TSPOAP1: variants seen among roughly 807,000 people sequenced by gnomAD.
TSPOAP1 encodes peripheral-type benzodiazepine receptor-associated protein 1.
In TSPOAP1, 87 loss-of-function variants were observed where a neutral mutation model predicts 197.0. The ratio of observed to expected loss-of-function variants is 0.44; its 90% CI spans 0.37 to 0.53. TSPOAP1 has a LOEUF of 0.53. Ranked by LOEUF, TSPOAP1 falls within the 20% of genes least tolerant of loss-of-function variation. The pLI is 0.00. For missense variants in TSPOAP1, 2,174 were observed against 2,411.3 expected (o/e 0.90, Z 2.06); for synonymous variants, 913 against 998.9 (o/e 0.91, Z 1.62).
At chr17:58,319,824 C>T (rs1489500557) in intron 12 of TSPOAP1, among the ~76,000 whole-genome samples, 2 of 152,204 alleles carry the variant, frequency 1.3e-5, no homozygotes, top group Non-Finnish European at 2.9e-5. Flanking sequence ...GGGGCTCTCT[C>T]CGGCCACTAT....
intron 24 of TSPOAP1, 189 bp downstream of exon 24, chr17:58,307,421 CA>C (rs1598057413): frequency 5.6e-6 from 4 of 712,502 alleles, no homozygotes; most frequent in South Asian, 2.0e-5. Context: ...AACTGAGGCC[CA>C]GGGGGCCTAG....
At chr17:58,315,878 C>T (rs1374451919) in intron 16 of TSPOAP1, 145 bp downstream of exon 16, 8 of 736,650 alleles carry the variant, frequency 1.1e-5, no homozygotes, top group African/African-American at 5.3e-5. Context: ...GGGCTGAGCA[C>T]GCTGGGCAGA....
Position 58,309,440 on chromosome 17 carries a change from A to AG in TSPOAP1, c.3892-61dup. 6.5e-7 allele frequency: 1 copy of AG among 1,536,978 alleles called. No individual in the cohort carries two copies. Among genetic ancestry groups the AG allele is most frequent in the Non-Finnish European group, 8.7e-7 (1 of 1,145,718 alleles). ...CAGGGAAGAGAGATGCGTGGGGAAG[A>AG]GGAGAGCGAGCTGCGATCTTTGCCC... On this transcript the variant is annotated intron_variant, in intron 21 of 31. Transcript: ENST00000343736. This position sits in a 1 kb window ranked among gnomAD's most constrained non-coding sequence, Gnocchi z 5.0.
In TSPOAP1 at chr17:58,307,667, G is replaced by T. The variant is rs1372627258; in HGVS notation, c.4927C>A (p.Pro1643Thr). The T allele has an allele frequency of 6.2e-7, 1 of 1,613,998 alleles. No homozygotes were observed. Among genetic ancestry groups the T allele is most frequent in the Non-Finnish European group, 8.5e-7 (1 of 1,180,038 alleles). ...LFDYDPVSMS[P>T]NPDAGEEELP... ...TCTTCTTCTCCAGCATCAGGATTGG[G>T]CGACATTGACACGGGGTCATAGTCA... The change falls in exon 24 of 32, where the codon CCC becomes ACC. Residue 1643 changes from proline to threonine, a missense_variant. Pro to Thr is a conservative substitution (Grantham distance 38, BLOSUM62 -1). Transcript: ENST00000343736.
At position 58,324,868 on chromosome 17, in the gene TSPOAP1, G is replaced by A. The variant is rs1365963319; in HGVS notation, c.885C>T (p.Pro295=). 3 of 1,530,190 alleles carry A rather than the reference G, an allele frequency of 2.0e-6. No homozygotes were observed. The highest frequency in any genetic ancestry group is 2.6e-6 in the Non-Finnish European group (3 of 1,143,520). The allele number at this position is 1,530,190 out of a possible 1,614,324, so 94.8% of individuals were successfully genotyped here. A position where few individuals can be genotyped will look rare whatever the true frequency, so the allele number is the denominator to read the frequency against. Residue 295 remains proline (P), a synonymous_variant, in exon 5 of 32, where the codon CCC becomes CCT. Transcript: ENST00000343736. The surrounding 1 kb of genome is among the most constrained non-coding windows in gnomAD (Gnocchi z 5.8). ...CTCTGGCCTGGAGAGCAGGGCCCGGGGGCCAGGACGGCGGGAGCGGGAGCG... is the reference window on the plus strand; with the variant it reads ...CTCTGGCCTGGAGAGCAGGGCCCGGAGGCCAGGACGGCGGGAGCGGGAGCG... The part of the protein sequence containing the change: ...RETLPLPPSW[P]PGPALQARAG...
rs368307904 is a variant in TSPOAP1, at chr17:58,310,563, G to A, written c.3648C>T (p.Thr1216=). ...CTGGGTCTCCTCCTTGGCACATCTCGGTATTTGGCGCCTGCTGGGCCCGTG... is the reference window on the plus strand; with the variant it reads ...CTGGGTCTCCTCCTTGGCACATCTCAGTATTTGGCGCCTGCTGGGCCCGTG... ...QGARAQQAPN[T]EMCQGGDPGS... is the part of the protein sequence containing the mutation. Residue 1216 remains threonine, a synonymous_variant, in exon 20 of 32, where the codon ACC becomes ACT. Coordinates refer to ENST00000343736, the MANE Select transcript of TSPOAP1 (RefSeq NM_004758.4). 1.1e-5 allele frequency: 18 copies of A among 1,613,362 alleles called. No individual in the cohort carries two copies. The highest frequency in any genetic ancestry group is 2.7e-5 in the African/African-American group (2 of 74,926).
rs921035756 is a variant in TSPOAP1, at chr17:58,324,012, G to A, written c.943-467C>T. ...GCCTAGAGCAGCGCAAGTCCAGCCA[G>A]ACCCTTCTCCTGGCTTCCCCCAAGC... On this transcript the variant is annotated intron_variant, in intron 5 of 31. Coordinates refer to ENST00000343736, the MANE Select transcript of TSPOAP1 (RefSeq NM_004758.4). The surrounding 1 kb of genome is among the most constrained non-coding windows in gnomAD (Gnocchi z 5.8). Among the ~76,000 whole-genome samples the A allele has an allele frequency of 2.4e-4, 36 of 152,172 alleles. No individual in the cohort carries two copies. Among genetic ancestry groups the A allele is most frequent in the African/African-American group, 8.4e-4 (35 of 41,442 alleles).
At position 58,324,892 on chromosome 17, in the gene TSPOAP1, C is replaced by G. The variant is rs551103820; in HGVS notation, c.861G>C (p.Thr287=). The stretch of plus-strand genomic sequence containing the variant: ...GGGGCCAGGACGGCGGGAGCGGGAG[C>G]GTCTCCCGCTGGTTGCGCAGCGCGA... ...RQIALRNQRE[T]LPLPPSWPPG... is the part of the protein sequence containing the mutation. The change falls in exon 5 of 32, where the codon ACG becomes ACC. Residue 287 remains threonine (T), a synonymous_variant. Coordinates refer to ENST00000343736, the MANE Select transcript of TSPOAP1 (RefSeq NM_004758.4). The surrounding 1 kb of genome is among the most constrained non-coding windows in gnomAD (Gnocchi z 5.8). The G allele has an allele frequency of 3.3e-6, 5 of 1,532,916 alleles. No individual in the cohort carries two copies. In the South Asian group the frequency reaches 6.0e-5, roughly 18 times the overall value. The allele number at this position is 1,532,916 out of a possible 1,614,324, so 95.0% of individuals were successfully genotyped here.
At chr17:58,317,566 G>A (rs988644887) in intron 14 of TSPOAP1, among the ~76,000 whole-genome samples, 2 of 152,190 alleles carry the variant, frequency 1.3e-5, no homozygotes, top group Non-Finnish European at 2.9e-5. Context: ...TCTATCCCAC[G>A]AGGGGGCAAT....
intron 26 of TSPOAP1, 119 bp downstream of exon 26, chr17:58,306,223 G>T: frequency 9.2e-7 from 1 of 1,092,808 alleles, no homozygotes; most frequent in Non-Finnish European, 1.4e-6. Flanking sequence ...CAGCCAAGCA[G>T]CGCCACCCAC....
At chr17:58,311,537 C>A (rs768525145) in intron 18 of TSPOAP1, 34 bp downstream of exon 18, 2 of 1,526,168 alleles carry the variant, frequency 1.3e-6, no homozygotes, top group African/African-American at 1.4e-5. Context: ...AGGGACCCAC[C>A]CCCACTCCCA....
intron 16 of TSPOAP1, among the ~76,000 whole-genome samples, chr17:58,314,953 C>T (rs575066359): frequency 6.6e-6 from 1 of 152,338 alleles, no homozygotes; most frequent in South Asian, 2.1e-4. Context: ...TTACATCTAT[C>T]CCAATTTATC....
rs745824785 is a variant in TSPOAP1 at position 58,312,410 on chromosome 17, G to A, written c.2411C>T (p.Ala804Val). The A allele has an allele frequency of 1.3e-5, 21 of 1,612,798 alleles. No individual in the cohort carries two copies. In the South Asian group the frequency reaches 2.2e-4, roughly 17 times the overall value. The stretch of plus-strand genomic sequence containing the variant: ...CTCCCAGGCCAGCACCACGCTGTGG[G>A]CCAGCTGCTTGAGGACCACCAGACG... ...PRRLVVLKQL[A>V]HSVVLAWEPP... Residue 804 changes from alanine to valine, a missense_variant, in exon 17 of 32, where the codon GCC (alanine) becomes GTC (valine). Ala to Val is a moderately conservative substitution (Grantham distance 64, BLOSUM62 0). Transcript: ENST00000343736.
rs1223281691 is a variant in TSPOAP1, at chr17:58,323,050, AGAG to A, written c.1105-14_1105-12del. 24 of 1,601,716 alleles carry A rather than the reference AGAG, an allele frequency of 1.5e-5. No individual in the cohort carries two copies. The highest frequency in any genetic ancestry group is 2.0e-5 in the Non-Finnish European group (24 of 1,174,166). On this transcript the variant is annotated splice_polypyrimidine_tract_variant and intron_variant, in intron 7 of 31. Transcript: ENST00000343736. ...TCTCAGCTGCAGTTCCTGAGCGGGC[AGAG>A]GAGCTCTCAGGAGGGAGCCCAGCAC...
chr17:58,326,161 C>G lies in TSPOAP1; in HGVS notation c.570+132G>C. ...AGCCTCTGCCCTTCCTGCACCTTAG[C>G]CCCTAGATTCTTGCTTTCCTAGGTG... On this transcript the variant is annotated intron_variant, in intron 3 of 31. Coordinates refer to ENST00000343736, the MANE Select transcript of TSPOAP1 (RefSeq NM_004758.4). The surrounding 1 kb of genome is among the most constrained non-coding windows in gnomAD (Gnocchi z 4.7). 1.4e-6 allele frequency: 2 copies of G among 1,424,550 alleles called. No individual in the cohort carries two copies. Among genetic ancestry groups the G allele is most frequent in the South Asian group, 2.8e-5 (2 of 72,222 alleles). The allele number at this position is 1,424,550 out of a possible 1,614,324, so 88.2% of individuals were successfully genotyped here.
In TSPOAP1 at chr17:58,310,583, C is replaced by A. The variant is rs752409414; in HGVS notation, c.3628G>T (p.Ala1210Ser). Residue 1210 changes from alanine to serine, a missense_variant, in exon 20 of 32, where the codon GCC becomes TCC. By Grantham distance (99) the Ala-to-Ser change is moderately conservative. Coordinates refer to ENST00000343736, the MANE Select transcript of TSPOAP1 (RefSeq NM_004758.4). ...PASSSTQGAR[A>S]QQAPNTEMCQ... ...ATCTCGGTATTTGGCGCCTGCTGGG[C>A]CCGTGCTCCCTGGGTGGAGCTGGAG... is the stretch of plus-strand genomic sequence containing the variant. 6.2e-7 allele frequency: 1 copy of A among 1,613,270 alleles called. No homozygotes were observed. Among genetic ancestry groups the A allele is most frequent in the South Asian group, 1.1e-5 (1 of 91,090 alleles).
Position 58,310,057 on chromosome 17 carries a change from C to T in TSPOAP1, c.3801G>A (p.Glu1267=), listed in dbSNP as rs1971032874. 6.2e-7 allele frequency: 1 copy of T among 1,613,542 alleles called. No individual in the cohort carries two copies. Among genetic ancestry groups the T allele is most frequent in the Non-Finnish European group, 8.5e-7 (1 of 1,180,026 alleles). ...LSDIQEEEEE[E]EEEEEEELGS... ...CCAGCTCCTCTTCCTCCTCCTCCTC[C>T]TCCTCTTCCTCTTCCTCCTGGATGT... The change falls in exon 21 of 32, where the codon GAG becomes GAA. Residue 1267 remains glutamate, a synonymous_variant. Transcript: ENST00000343736.
In TSPOAP1 at chr17:58,311,008, G is replaced by A. The variant is rs764237750; in HGVS notation, c.3287C>T (p.Pro1096Leu). Residue 1096 changes from proline (P) to leucine (L), a missense_variant, in exon 19 of 32, where the codon CCA becomes CTA. Pro to Leu is a moderately conservative substitution (Grantham distance 98). Around this residue, in one of 5 missense-constraint regions of TSPOAP1, gnomAD observed 1,933 missense variants for 2,139.0 expected, o/e 0.90. Coordinates refer to ENST00000343736, the MANE Select transcript of TSPOAP1 (RefSeq NM_004758.4). ...TGAAGCAAGGGGCGCTCTGGCCTCT[G>A]GGCTTGGGTGCGGTGAGGGGCAGGA... ...RVSCPSPHPS[P>L]EARAPLASAS... 6.3e-7 allele frequency: 1 copy of A among 1,599,368 alleles called. No homozygotes were observed. Among genetic ancestry groups the A allele is most frequent in the South Asian group, 1.1e-5 (1 of 89,338 alleles).
chr17:58,325,870 C>T, intron 3 of TSPOAP1, 157 bp from the exon 4 acceptor site: 1 of 735,622 alleles, frequency 1.4e-6, no homozygotes, highest in Non-Finnish European at 2.2e-6. Flanking sequence ...CAGCCTCACT[C>T]TACCCCATCC....
Sources: gnomAD v4.1 joint callset for allele counts (sites outside exome capture counted in the v4.1 genomes callset) on GRCh38, gnomAD v4.1.1 for gene constraint, gnomAD v4.1.1 regional missense constraint, Gnocchi (gnomAD v3.1) non-coding constraint, MANE v1.5 for transcripts, NCBI Gene and HGNC (gene_info 2026-07-23, HGNC 2026-07-21) for gene names.